HECTD4: variants seen among roughly 807,000 people sequenced by gnomAD.
The protein encoded by HECTD4 is probable E3 ubiquitin-protein ligase HECTD4.
In HECTD4, 114 loss-of-function variants were observed where a neutral mutation model predicts 471.5. The ratio of observed to expected loss-of-function variants is 0.24; its 90% confidence interval spans 0.21 to 0.28. The LOEUF is 0.28. Among genes scored for constraint, HECTD4 ranks in the 10% least tolerant of loss-of-function variants. The pLI, the probability that HECTD4 is intolerant of heterozygous loss-of-function variation, is 1.00. For synonymous variants in HECTD4, 2,012 were observed against 2,256.0 expected (o/e 0.89, Z 3.07); for missense variants, 3,866 against 5,651.5 (o/e 0.68, Z 10.13).
chr12:112,304,233 A>G (rs895429248), intron 7 of HECTD4, among the ~76,000 whole-genome samples: 1 of 144,154 alleles, frequency 6.9e-6, no homozygotes, highest in Admixed American at 7.2e-5. Flanking sequence ...TAGGCTAAAG[A>G]CCTAATTTTT....
Position 112,169,570 on chromosome 12 carries a change from C to T in HECTD4, c.12141G>A (p.Leu4047=). ...SVPSSQLCVK[L]ASGGDPTYAF... Reference sequence around the variant, plus strand: ...CATATGTGGGGTCACCGCCACTGGCCAGCTTGACGCAGAGCTGAGACGACG... The same window carrying T: ...CATATGTGGGGTCACCGCCACTGGCTAGCTTGACGCAGAGCTGAGACGACG... Residue 4047 remains leucine (L), a synonymous_variant, in exon 70 of 76, where the codon CTG becomes CTA. Coordinates refer to ENST00000682272, the MANE Select transcript of HECTD4 (RefSeq NM_001388303.1). The T allele has an allele frequency of 6.2e-7, 1 of 1,613,648 alleles. No homozygotes were observed. Among genetic ancestry groups the T allele is most frequent in the Non-Finnish European group, 8.5e-7 (1 of 1,179,884 alleles).
intron 25 of HECTD4, chr12:112,249,849 C>A: frequency 2.5e-6 from 1 of 394,750 alleles, no homozygotes; most frequent in Non-Finnish European, 4.7e-6. Context: ...AAATGGGAAA[C>A]TTGTTAAGCT....
intron 7 of HECTD4, among the ~76,000 whole-genome samples, chr12:112,289,240 C>T (rs2034823849): frequency 6.6e-6 from 1 of 152,166 alleles, no homozygotes; most frequent in African/African-American, 2.4e-5. Flanking sequence ...GCTGAGACTA[C>T]AGGTGTGAAC....
At chr12:112,299,442 T>C (rs2035117642) in intron 7 of HECTD4, among the ~76,000 whole-genome samples, 1 of 151,760 alleles carries the variant, frequency 6.6e-6, no homozygotes. Flanking sequence ...TGGAGAAACC[T>C]CCCACCCCCG....
chr12:112,309,610 C>T lies in HECTD4; in HGVS notation c.976G>A (p.Val326Ile). The stretch of plus-strand genomic sequence containing the variant: ...CCCAATTTGCTTACTCCTCTTCCAA[C>T]TGAGTTAGTAGTATACAGGTAAAGA... ...DGLYLYTTNS[V>I]GRGVSKLGSG... The change falls in exon 5 of 76, where the codon GTT becomes ATT. Residue 326 changes from valine to isoleucine, a missense_variant. Coordinates refer to ENST00000682272, the MANE Select transcript of HECTD4 (RefSeq NM_001388303.1). 1 of 1,535,574 alleles carries T rather than the reference C, an allele frequency of 6.5e-7. No homozygotes were observed. The highest frequency in any genetic ancestry group is 8.7e-7 in the Non-Finnish European group (1 of 1,145,586).
Position 112,175,783 on chromosome 12 carries a change from G to A in HECTD4, c.11547C>T (p.Ser3849=), listed in dbSNP as rs534758942. 3.1e-6 allele frequency: 5 copies of A among 1,613,296 alleles called. No homozygotes were observed. Among genetic ancestry groups the A allele is most frequent in the African/African-American group, 2.7e-5 (2 of 75,040 alleles). The stretch of plus-strand genomic sequence containing the variant: ...CACAGGACAAGATCGCCCTCCAGAC[G>A]CTACGGATATCTTGCCTGGCTCGGT... ...VIDRARQDIR[S]VWRAILSCGY... is the part of the protein sequence containing the mutation. Residue 3849 remains serine, a synonymous_variant, in exon 66 of 76, where the codon AGC becomes AGT. Coordinates refer to ENST00000682272, the MANE Select transcript of HECTD4 (RefSeq NM_001388303.1).
chr12:112,317,514 A>C (rs1459181936), intron 2 of HECTD4, among the ~76,000 whole-genome samples: 1 of 152,194 alleles, frequency 6.6e-6, no homozygotes, highest in Non-Finnish European at 1.5e-5. Context: ...CCAAGGAAAA[A>C]ATTCTACGGA....
chr12:112,165,581 GAC>G (rs377266511), intron 72 of HECTD4, among the ~76,000 whole-genome samples: 6 of 152,112 alleles, frequency 3.9e-5, no homozygotes, highest in African/African-American at 1.4e-4. Context: ...TCAATCTCCT[GAC>G]CTCGTGATCT....
chr12:112,335,143 T>TACACACACAC (rs144839031), intron 1 of HECTD4, among the ~76,000 whole-genome samples: 6,362 of 146,690 alleles, frequency 0.043, 177 homozygotes, highest in East Asian at 0.097. Flanking sequence ...GAAACTGTGA[T>TACACACACAC]ACACACACAC....
At chr12:112,339,194 A>G (rs372934840) in intron 1 of HECTD4, among the ~76,000 whole-genome samples, 157 of 152,096 alleles carry the variant, frequency 1.0e-3, no homozygotes, top group African/African-American at 3.6e-3. Flanking sequence ...ATCCACCAAC[A>G]GGAGAATGGG....
rs2036916044 is a variant in HECTD4, at chr12:112,382,420, G to T, written c.-292C>A. The T allele has an allele frequency of 7.2e-6, 2 of 278,430 alleles. No homozygotes were observed. Among genetic ancestry groups the T allele is most frequent in the Non-Finnish European group, 1.3e-5 (2 of 153,592 alleles). 17.2% of individuals were successfully genotyped at this position (278,430 alleles called of 1,614,324 possible). A position where few individuals can be genotyped will look rare whatever the true frequency, so the allele number is the denominator to read the frequency against. On this transcript the variant is annotated 5_prime_UTR_variant, in exon 1 of 76. Coordinates refer to ENST00000682272, the MANE Select transcript of HECTD4 (RefSeq NM_001388303.1). ...CCAACTGTCAGTGAGACGCCATGTT[G>T]GGGGCGGGGCTCCCGGCATGCCTCG...
chr12:112,290,118 T>C (rs568307112), intron 7 of HECTD4, among the ~76,000 whole-genome samples: 7 of 152,164 alleles, frequency 4.6e-5, no homozygotes, highest in African/African-American at 1.4e-4. Context: ...CTCAGGAGTT[T>C]GAGACCAACC....
intron 7 of HECTD4, among the ~76,000 whole-genome samples, chr12:112,298,763 TC>T (rs1566103722): frequency 6.6e-6 from 1 of 151,586 alleles, no homozygotes; most frequent in Non-Finnish European, 1.5e-5. Flanking sequence ...GCGCCTGTAA[TC>T]CCAGCTACTC....
At chr12:112,191,617 C>A (rs1173802321) in intron 59 of HECTD4, among the ~76,000 whole-genome samples, 1 of 152,110 alleles carries the variant, frequency 6.6e-6, no homozygotes, top group African/African-American at 2.4e-5. Flanking sequence ...AGAAGCAAAC[C>A]ATATTGGCTT....
rs764253149 is a variant in HECTD4 at position 112,216,739 on chromosome 12, C to T, written c.7385+34G>A. On this transcript the variant is annotated intron_variant, in intron 47 of 75. Transcript: ENST00000682272. ...ATACACACCTTGTGGGAGGCTACTG[C>T]TCTCTGTCACACTGAGCTACTTCTT... The T allele has an allele frequency of 3.7e-6, 6 of 1,606,064 alleles. No individual in the cohort carries two copies. The South Asian group carries it at 5.5e-5, about 15-fold the overall frequency.
intron 1 of HECTD4, among the ~76,000 whole-genome samples, chr12:112,372,644 G>A (rs1450639229): frequency 6.6e-6 from 1 of 152,060 alleles, no homozygotes; most frequent in Admixed American, 6.6e-5. Context: ...TGCCCAGGCT[G>A]GTCTTGAACT....
intron 69 of HECTD4, chr12:112,170,000 C>T (rs768238499): frequency 2.2e-5 from 12 of 534,740 alleles, no homozygotes; most frequent in Non-Finnish European, 3.7e-5. Context: ...GTGGCAGAGA[C>T]TCTGGGGAGC....
chr12:112,376,626 C>A (rs1043987550), intron 1 of HECTD4, among the ~76,000 whole-genome samples: 1 of 152,186 alleles, frequency 6.6e-6, no homozygotes, highest in Admixed American at 6.5e-5. Context: ...ATCCCCTGCT[C>A]CCCATCTCTC....
At chr12:112,372,977 T>G (rs1324619645) in intron 1 of HECTD4, among the ~76,000 whole-genome samples, 1 of 151,966 alleles carries the variant, frequency 6.6e-6, no homozygotes, top group East Asian at 1.9e-4. Flanking sequence ...AGGCTGGTCT[T>G]GAACTCCAGT....
Sources: gnomAD v4.1 joint callset for allele counts (sites outside exome capture counted in the v4.1 genomes callset) on GRCh38, gnomAD v4.1.1 for gene constraint, MANE v1.5 for transcripts, NCBI Gene and HGNC (gene_info 2026-07-23, HGNC 2026-07-21) for gene names.